ITGB4: variants seen among roughly 807,000 people sequenced by gnomAD.
The protein encoded by ITGB4 is integrin beta-4.
Under a neutral mutation model 207.6 loss-of-function variants are expected in ITGB4, and 159 were observed. The ratio of observed to expected loss-of-function variants is 0.77; its 90% CI spans 0.67 to 0.87. ITGB4 has a LOEUF of 0.87. ITGB4 is among the 40% of genes least tolerant of loss of function. ITGB4 has a pLI of 0.00. For synonymous variants in ITGB4, 1,020 were observed against 1,062.7 expected, an observed-to-expected ratio of 0.96 and a Z score of 0.78; for missense variants, 2,278 against 2,546.8, an observed-to-expected ratio of 0.89 and a Z score of 2.27.
chr17:75,734,184 T>C (rs1401747769), intron 13 of ITGB4, among the ~76,000 whole-genome samples: 1 of 134,192 alleles, frequency 7.5e-6, no homozygotes, highest in Non-Finnish European at 1.5e-5. Context: ...TCGCCCAGGC[T>C]GGAGTGCAAT....
rs1187381332 is a variant in ITGB4, at chr17:75,731,167, G to T, written c.1093-79G>T. ...CTGCAGGCTCTGTGATACCCCGCAT[G>T]ATGCCAGCCACACTTGGAGGTTGGG... On this transcript the variant is annotated intron_variant, in intron 9 of 39. Transcript: ENST00000200181. This position sits in a 1 kb window ranked among gnomAD's most constrained non-coding sequence, Gnocchi z 6.8. 6.2e-7 allele frequency: 1 copy of T among 1,609,034 alleles called. No homozygotes were observed. Among genetic ancestry groups the T allele is most frequent in the Non-Finnish European group, 8.5e-7 (1 of 1,177,624 alleles).
Position 75,740,005 on chromosome 17 carries a change from G to A in ITGB4, c.2380G>A (p.Val794Ile), listed in dbSNP as rs754958134. Residue 794 changes from valine to isoleucine, a missense_variant, in exon 20 of 40, where the codon GTC (valine) becomes ATC (isoleucine). Val to Ile is a conservative substitution (Grantham distance 29). Coordinates refer to ENST00000200181, the MANE Select transcript of ITGB4 (RefSeq NM_000213.5). The surrounding 1 kb of genome is among the most constrained non-coding windows in gnomAD (Gnocchi z 5.9). Reference protein sequence around the residue: ...LKGRDVVRWKVTNNMQRPGFA... With the variant: ...LKGRDVVRWKITNNMQRPGFA... ...GGGCCGTGACGTGGTCCGCTGGAAGGTCACCAACAACATGCAGCGGCCTGG... is the reference window on the plus strand; with the variant it reads ...GGGCCGTGACGTGGTCCGCTGGAAGATCACCAACAACATGCAGCGGCCTGG... The A allele has an allele frequency of 6.3e-5, 102 of 1,613,084 alleles. 2 individuals carry two copies. In the South Asian group the frequency reaches 1.0e-3, roughly 16 times the overall value.
Position 75,724,627 on chromosome 17 carries a change from G to A in ITGB4, c.-10-67G>A, listed in dbSNP as rs991772615. 32 of 1,179,042 alleles carry A rather than the reference G, an allele frequency of 2.7e-5. 1 individual carries two copies. Among genetic ancestry groups the A allele is most frequent in the South Asian group, 2.3e-4 (19 of 82,434 alleles). The allele number at this position is 1,179,042 out of a possible 1,614,324, so 73.0% of individuals were successfully genotyped here. A position where few individuals can be genotyped will look rare whatever the true frequency, so the allele number is the denominator to read the frequency against. On this transcript the variant is annotated intron_variant, in intron 1 of 39. Transcript: ENST00000200181. ...GCCTCAGTTCCCACAGCTGTGCAGC[G>A]AGAGGAAGCTGACGGCACCGACCAT...
chr17:75,736,383 G>A lies in ITGB4; in HGVS notation c.1857G>A (p.Ser619=), dbSNP rs753185051. 1.4e-5 allele frequency: 22 copies of A among 1,613,984 alleles called. No homozygotes were observed. The highest frequency in any genetic ancestry group is 1.6e-4 in the Middle Eastern group (1 of 6,082). Residue 619 remains serine, a synonymous_variant, in exon 15 of 40, where the codon TCG becomes TCA. Transcript: ENST00000200181. The stretch of plus-strand genomic sequence containing the variant: ...ACACCATCTGCGAGATCAACTACTC[G>A]GCGGTGAGGCTAAGACCTACGAGGT... ...YTDTICEINY[S]AIHPGLCEDL...
chr17:75,755,770 C>G lies in ITGB4; in HGVS notation c.4628C>G (p.Ser1543Cys). ...GTGTTCTCTGCCCTGGGGCCCACAT[C>G]TCTCAGAGTGAGCTGGCAGGAGCCG... ...RLVFSALGPT[S>C]LRVSWQEPRC... Residue 1543 changes from serine (S) to cysteine (C), a missense_variant, in exon 35 of 40, where the codon TCT (serine) becomes TGT (cysteine). By Grantham distance (112) the Ser-to-Cys change is moderately radical. Transcript: ENST00000200181. 1.2e-6 allele frequency: 2 copies of G among 1,612,714 alleles called. No individual in the cohort carries two copies. The highest frequency in any genetic ancestry group is 2.2e-5 in the South Asian group (2 of 91,068).
chr17:75,750,628 G>T lies in ITGB4; in HGVS notation c.3475-52G>T. 1 of 1,542,224 alleles carries T rather than the reference G, an allele frequency of 6.5e-7. No homozygotes were observed. Among genetic ancestry groups the T allele is most frequent in the Non-Finnish European group, 8.9e-7 (1 of 1,120,156 alleles). ...GCAGAGGTCAGAGGAGGGACAGGCA[G>T]CTTGGGTGCCTGCTGCTCCCTGCTG... is the stretch of plus-strand genomic sequence containing the variant. On this transcript the variant is annotated intron_variant, in intron 28 of 39. Transcript: ENST00000200181. The surrounding 1 kb of genome is among the most constrained non-coding windows in gnomAD (Gnocchi z 5.5).
At chr17:75,737,810 G>T (rs114515284) in intron 18 of ITGB4, among the ~76,000 whole-genome samples, 166 bp downstream of exon 18, 1 of 151,106 alleles carries the variant, frequency 6.6e-6, no homozygotes, top group Non-Finnish European at 1.5e-5. Context: ...TCCCAACAGG[G>T]TCCCCATCCT....
chr17:75,729,290 G>A lies in ITGB4; in HGVS notation c.592G>A (p.Asp198Asn). The A allele has an allele frequency of 6.2e-7, 1 of 1,614,054 alleles. No individual in the cohort carries two copies. Among genetic ancestry groups the A allele is most frequent in the Middle Eastern group, 1.6e-4 (1 of 6,062 alleles). Residue 198 changes from aspartate (D) to asparagine (N), a missense_variant, in exon 7 of 40, where the codon GAC becomes AAC. Coordinates refer to ENST00000200181, the MANE Select transcript of ITGB4 (RefSeq NM_000213.5). The surrounding 1 kb of genome is among the most constrained non-coding windows in gnomAD (Gnocchi z 4.4). Reference protein sequence around the residue: ...EKLKEPWPNSDPPFSFKNVIS... With the variant: ...EKLKEPWPNSNPPFSFKNVIS... Reference sequence around the variant, plus strand: ...GCTGAAGGAGCCCTGGCCCAACAGTGACCCCCCCTTCTCCTTCAAGAACGT... The same window carrying A: ...GCTGAAGGAGCCCTGGCCCAACAGTAACCCCCCCTTCTCCTTCAAGAACGT...
Position 75,742,842 on chromosome 17 carries a change from C to T in ITGB4, c.2962+81C>T. The T allele has an allele frequency of 1.5e-6, 2 of 1,356,930 alleles. No individual in the cohort carries two copies. The highest frequency in any genetic ancestry group is 2.0e-6 in the Non-Finnish European group (2 of 988,394). The allele number at this position is 1,356,930 out of a possible 1,614,324, so 84.1% of individuals were successfully genotyped here. On this transcript the variant is annotated intron_variant, in intron 25 of 39. Transcript: ENST00000200181. The surrounding 1 kb of genome is among the most constrained non-coding windows in gnomAD (Gnocchi z 5.9). ...CCTCCTGCTTAAGTGGAATTGCGACCTGGCCACGTGGCCTGGGCTAGTCAC... is the reference window on the plus strand; with the variant it reads ...CCTCCTGCTTAAGTGGAATTGCGACTTGGCCACGTGGCCTGGGCTAGTCAC...
Position 75,750,833 on chromosome 17 carries a change from C to A in ITGB4, c.3628C>A (p.Leu1210Met). 6.2e-7 allele frequency: 1 copy of A among 1,613,392 alleles called. No homozygotes were observed. Among genetic ancestry groups the A allele is most frequent in the South Asian group, 1.1e-5 (1 of 91,088 alleles). The change falls in exon 29 of 40, where the codon CTG becomes ATG. Residue 1210 changes from leucine to methionine, a missense_variant. By Grantham distance (15) the Leu-to-Met change is conservative (BLOSUM62 2). Coordinates refer to ENST00000200181, the MANE Select transcript of ITGB4 (RefSeq NM_000213.5). The surrounding 1 kb of genome is among the most constrained non-coding windows in gnomAD (Gnocchi z 5.5). ...GAQGEGPYSS[L>M]VSCRTHQEVP... Reference sequence around the variant, plus strand: ...TCAGGGCGAGGGACCCTACAGCTCCCTGGTGTCCTGCCGCACCCACCAGGA... The same window carrying A: ...TCAGGGCGAGGGACCCTACAGCTCCATGGTGTCCTGCCGCACCCACCAGGA...
chr17:75,726,084 G>A (rs960650018), intron 2 of ITGB4, among the ~76,000 whole-genome samples: 2 of 152,224 alleles, frequency 1.3e-5, no homozygotes, highest in Non-Finnish European at 2.9e-5. Flanking sequence ...GCTTGAGTGG[G>A]AAGTCCCAGG....
rs2061386831 is a variant in ITGB4, at chr17:75,752,334, C to A, written c.3954C>A (p.Thr1318=). ...GGGAGGCCATCATCAACCTGGCCAC[C>A]CAGCCCAAGAGGCCCATGTCCAGTG... ...PEREAIINLA[T]QPKRPMSIPI... is the part of the protein sequence containing the mutation. The change falls in exon 31 of 40, where the codon ACC becomes ACA. Residue 1318 remains threonine (T), a synonymous_variant. Transcript: ENST00000200181. 2 of 1,612,662 alleles carry A rather than the reference C, an allele frequency of 1.2e-6. No homozygotes were observed. The highest frequency in any genetic ancestry group is 1.7e-5 in the Admixed American group (1 of 59,990).
chr17:75,721,898 G>T (rs889843000), intron 1 of ITGB4, among the ~76,000 whole-genome samples: 1 of 152,236 alleles, frequency 6.6e-6, no homozygotes, highest in Non-Finnish European at 1.5e-5. Context: ...AGCCCTCTGG[G>T]GCTGGGCCCC....
chr17:75,743,902 C>T (rs1326481813), intron 26 of ITGB4, 41 bp downstream of exon 26: 1 of 1,544,866 alleles, frequency 6.5e-7, no homozygotes, highest in Non-Finnish European at 8.7e-7. Flanking sequence ...GCCCGGGGGG[C>T]TGCGTGGGCA....
intron 1 of ITGB4, among the ~76,000 whole-genome samples, chr17:75,723,931 G>C (rs1183907770): frequency 6.6e-6 from 1 of 152,266 alleles, no homozygotes; most frequent in Non-Finnish European, 1.5e-5. Flanking sequence ...TGCCCTGAAG[G>C]CCGCTGAGGA....
chr17:75,730,544 T>TCA, intron 8 of ITGB4, 40 bp downstream of exon 8: 1 of 1,610,580 alleles, frequency 6.2e-7, no homozygotes, highest in Admixed American at 1.7e-5. Context: ...GTGGTCAAGG[T>TCA]AGGGGGTCCA....
At chr17:75,724,087 G>A (rs2060669004) in intron 1 of ITGB4, among the ~76,000 whole-genome samples, 1 of 152,228 alleles carries the variant, frequency 6.6e-6, no homozygotes, top group Admixed American at 6.5e-5. Context: ...GCAGGCAGAG[G>A]TACAGGGGAG....
At chr17:75,736,429 G>A in intron 15 of ITGB4, 43 bp downstream of exon 15, 3 of 1,610,996 alleles carry the variant, frequency 1.9e-6, no homozygotes, top group Non-Finnish European at 2.5e-6. Context: ...GAACAGGGCA[G>A]GCACAGGGCA....
Position 75,736,705 on chromosome 17 carries a change from G to T in ITGB4, c.1990+11G>T. 3 of 1,590,154 alleles carry T rather than the reference G, an allele frequency of 1.9e-6. No individual in the cohort carries two copies. The highest frequency in any genetic ancestry group is 2.3e-5 in the East Asian group (1 of 44,170). ...ACGAGCTTAAGAGAGGTAGGGGCAG[G>T]GGCTGAGGGTTGGGGTTGCTGAGAG... On this transcript the variant is annotated intron_variant, in intron 16 of 39. Transcript: ENST00000200181.
Sources: allele counts gnomAD v4.1 joint callset (sites outside exome capture counted in the v4.1 genomes callset), GRCh38; gene constraint gnomAD v4.1.1; non-coding constraint Gnocchi (gnomAD v3.1); transcripts MANE v1.5; gene names NCBI Gene and HGNC (gene_info 2026-07-23, HGNC 2026-07-21).